The following THSD7B variants were observed in gnomAD, a reference collection of about 807,000 sequenced individuals.
THSD7B encodes thrombospondin type-1 domain-containing protein 7B.
THSD7B carries 138 observed loss-of-function variants against 213.6 expected under a neutral mutation model. That is an observed-to-expected ratio of 0.65 (90% confidence interval 0.56 to 0.74). The LOEUF (loss-of-function observed/expected upper bound fraction) is 0.74. Among genes scored for constraint, THSD7B ranks in the 30% least tolerant of loss-of-function variants. The pLI, the probability that THSD7B is intolerant of heterozygous loss-of-function variation, is 0.00. For synonymous variants in THSD7B, 742 were observed against 687.0 expected (o/e 1.08, Z -1.25); for missense variants, 1,931 against 1,991.5 (o/e 0.97, Z 0.58).
chr2:137,092,451 T>C (rs1307480695), intron 3 of THSD7B, among the ~76,000 whole-genome samples: 1 of 151,998 alleles, frequency 6.6e-6, no homozygotes, highest in African/African-American at 2.4e-5. Flanking sequence ...AAATAAAATA[T>C]TGGACCAGAG....
chr2:137,620,104 A>G (rs1029114237), intron 19 of THSD7B, among the ~76,000 whole-genome samples: 5 of 152,250 alleles, frequency 3.3e-5, no homozygotes, highest in Non-Finnish European at 7.3e-5. Flanking sequence ...AATAAACGGT[A>G]TCATCAACTT....
At chr2:137,097,145 C>T (rs1259755504) in intron 4 of THSD7B, among the ~76,000 whole-genome samples, 3 of 151,924 alleles carry the variant, frequency 2.0e-5, no homozygotes, top group African/African-American at 7.3e-5. Context: ...TGCCTCTATC[C>T]TTCATTTTTT....
rs542971762 is a variant in THSD7B at position 137,314,818 on chromosome 2, C to T, written c.2500+38792C>T. Among the ~76,000 whole-genome samples, 163 of 152,284 alleles carry T rather than the reference C, an allele frequency of 1.1e-3. 2 individuals carry two copies. Among genetic ancestry groups the T allele is most frequent in the African/African-American group, 3.6e-3 (150 of 41,568 alleles). On this transcript the variant is annotated intron_variant, in intron 12 of 27. Coordinates refer to ENST00000409968, the MANE Select transcript of THSD7B (RefSeq NM_001316349.2). ...GGGGTTGCCTCCCAGTTAGGCTGCT[C>T]GGGGGTCAGGGGTCAGGGACCCACT... is the stretch of plus-strand genomic sequence containing the variant.
At chr2:137,626,832 A>G (rs1443522994) in intron 20 of THSD7B, among the ~76,000 whole-genome samples, 1 of 152,216 alleles carries the variant, frequency 6.6e-6, no homozygotes, top group Non-Finnish European at 1.5e-5. Context: ...GTTGCTTGCT[A>G]TGGTGTAACA....
At chr2:136,787,250 A>G (rs13408269) in intron 1 of THSD7B, among the ~76,000 whole-genome samples, 6,581 of 152,052 alleles carry the variant, frequency 0.043, 408 homozygotes, top group African/African-American at 0.14. Flanking sequence ...TTTTTCAAGG[A>G]AAGTTTTCAG....
At chr2:137,315,086 G>A (rs1439548768) in intron 12 of THSD7B, among the ~76,000 whole-genome samples, 2 of 152,204 alleles carry the variant, frequency 1.3e-5, no homozygotes, top group East Asian at 1.9e-4. Flanking sequence ...CTGGGCAATG[G>A]CGGGCGCCCC....
chr2:137,014,014 G>A (rs2104836705), intron 2 of THSD7B, among the ~76,000 whole-genome samples: 1 of 152,312 alleles, frequency 6.6e-6, no homozygotes, highest in Middle Eastern at 3.4e-3. Context: ...CAGCTTTCTA[G>A]TTTCTGCTTC....
intron 15 of THSD7B, among the ~76,000 whole-genome samples, chr2:137,468,727 A>G (rs1573643152): frequency 6.6e-6 from 1 of 152,194 alleles, no homozygotes; most frequent in East Asian, 1.9e-4. Flanking sequence ...AATAGTTAGC[A>G]TGTATATTTA....
At chr2:137,398,897 G>A (rs565746093) in intron 12 of THSD7B, among the ~76,000 whole-genome samples, 54 of 152,284 alleles carry the variant, frequency 3.5e-4, no homozygotes, top group Admixed American at 2.5e-3. Flanking sequence ...TCAGAAAAGC[G>A]CAATATTCGG....
At position 136,844,221 on chromosome 2, in the gene THSD7B, G is replaced by C. The variant is rs538080655; in HGVS notation, c.-35-37923G>C. Among the ~76,000 whole-genome samples, 24 of 152,264 alleles carry C rather than the reference G, an allele frequency of 1.6e-4. No homozygotes were observed. The South Asian group carries it at 2.7e-3, about 17-fold the overall frequency. On this transcript the variant is annotated intron_variant, in intron 1 of 27. Coordinates refer to ENST00000409968, the MANE Select transcript of THSD7B (RefSeq NM_001316349.2). ...AACACAGGGGTTAACGTAGGTGTTG[G>C]AAGAGTGGAGAAGCCAATCAGTGGA...
At chr2:137,032,353 C>G (rs1454393505) in intron 2 of THSD7B, among the ~76,000 whole-genome samples, 2 of 152,094 alleles carry the variant, frequency 1.3e-5, no homozygotes, top group Non-Finnish European at 2.9e-5. Context: ...AAACAGAGAC[C>G]CTACCCTGTC....
At chr2:136,963,113 C>T (rs1685253950) in intron 2 of THSD7B, among the ~76,000 whole-genome samples, 1 of 152,132 alleles carries the variant, frequency 6.6e-6, no homozygotes, top group Non-Finnish European at 1.5e-5. Flanking sequence ...AACAATGTAA[C>T]AAGGCCAAAT....
intron 15 of THSD7B, among the ~76,000 whole-genome samples, chr2:137,489,821 G>A (rs1431134395): frequency 6.6e-6 from 1 of 152,044 alleles, no homozygotes; most frequent in Non-Finnish European, 1.5e-5. Context: ...ACCACTGATA[G>A]TTTAAAGAAA....
intron 12 of THSD7B, among the ~76,000 whole-genome samples, chr2:137,356,953 C>CACACACACACAG (rs1558768272): frequency 3.5e-5 from 4 of 114,066 alleles, no homozygotes; most frequent in African/African-American, 1.3e-4. Flanking sequence ...CACATACACA[C>CACACACACACAG]ACACACACAC....
In THSD7B at chr2:137,655,650, G is replaced by T. The variant is rs774488743; in HGVS notation, c.4095G>T (p.Val1365=). 6.2e-7 allele frequency: 1 copy of T among 1,612,750 alleles called. No homozygotes were observed. ...GCATCCTGAAGCAGCTGTGTTCTGTGCCTTGCCCAGGTATGCAATGCTAGT... is the reference window on the plus strand; with the variant it reads ...GCATCCTGAAGCAGCTGTGTTCTGTTCCTTGCCCAGGTATGCAATGCTAGT... ...QDSILKQLCS[V]PCPGDCHLTE... Residue 1365 remains valine, a synonymous_variant, in exon 22 of 28, where the codon GTG becomes GTT. Coordinates refer to ENST00000409968, the MANE Select transcript of THSD7B (RefSeq NM_001316349.2).
chr2:137,417,103 A>G (rs565893627), intron 14 of THSD7B, among the ~76,000 whole-genome samples: 1 of 152,320 alleles, frequency 6.6e-6, no homozygotes, highest in South Asian at 2.1e-4. Context: ...ATTTACTGTA[A>G]TATATAAGTA....
intron 2 of THSD7B, among the ~76,000 whole-genome samples, chr2:137,054,594 T>C (rs1330380084): frequency 6.6e-6 from 1 of 152,166 alleles, no homozygotes; most frequent in African/African-American, 2.4e-5. Flanking sequence ...ATGTAGTGGA[T>C]GCTAATGAAA....
intron 2 of THSD7B, among the ~76,000 whole-genome samples, chr2:137,020,696 C>T (rs1686427651): frequency 6.6e-6 from 1 of 152,182 alleles, no homozygotes; most frequent in South Asian, 2.1e-4. Context: ...CGCAAGCACT[C>T]CTTCGCTTTG....
chr2:137,414,615 G>A (rs190706142), intron 14 of THSD7B, among the ~76,000 whole-genome samples: 1 of 152,292 alleles, frequency 6.6e-6, no homozygotes, highest in Non-Finnish European at 1.5e-5. Flanking sequence ...CTATTTGGGA[G>A]ACTGAGGTGG....
Sources: gnomAD v4.1 joint callset for allele counts (sites outside exome capture counted in the v4.1 genomes callset) on GRCh38, gnomAD v4.1.1 for gene constraint, MANE v1.5 for transcripts, NCBI Gene and HGNC (gene_info 2026-07-23, HGNC 2026-07-21) for gene names.